The following DGKH variants were observed in gnomAD, a reference collection of about 807,000 sequenced individuals.
DGKH encodes the protein diacylglycerol kinase eta.
A neutral mutation model predicts 159.3 loss-of-function variants in DGKH; 90 were observed. That is an observed-to-expected ratio of 0.57 (90% CI 0.48 to 0.67). The LOEUF (loss-of-function observed/expected upper bound fraction) is 0.67, where lower values mean the gene tolerates loss of function less well. DGKH is among the 30% of genes least tolerant of loss of function. The probability of loss-of-function intolerance (pLI) is 0.00; values close to 1 mark genes in which losing one functional copy is unlikely to be tolerated. For synonymous variants in DGKH, 536 were observed against 553.8 expected (o/e 0.97, Z 0.45); for missense variants, 1,181 against 1,506.1 (o/e 0.78, Z 3.57).
chr13:42,246,785 G>A (rs543441190), downstream of DGKH, among the ~76,000 whole-genome samples: 9 of 152,282 alleles, frequency 5.9e-5, no homozygotes, highest in South Asian at 4.1e-4. Context: ...GCAACTGAGA[G>A]GAAGGCCACA....
At chr13:42,107,642 A>G (rs912070279) in intron 1 of DGKH, among the ~76,000 whole-genome samples, 1 of 152,094 alleles carries the variant, frequency 6.6e-6, no homozygotes, top group African/African-American at 2.4e-5. Flanking sequence ...TCTTGTGAAC[A>G]GTGGGGGACT....
chr13:42,063,468 C>T (rs1882330046), intron 1 of DGKH, among the ~76,000 whole-genome samples: 1 of 152,072 alleles, frequency 6.6e-6, no homozygotes, highest in Non-Finnish European at 1.5e-5. Flanking sequence ...ATGCTAGTTA[C>T]CATATTAATA....
intron 14 of DGKH, among the ~76,000 whole-genome samples, chr13:42,188,327 C>G (rs2138102991): frequency 6.6e-6 from 1 of 152,334 alleles, no homozygotes; most frequent in African/African-American, 2.4e-5. Flanking sequence ...TCTCGTAATA[C>G]AAGAAAAGCA....
intron 21 of DGKH, among the ~76,000 whole-genome samples, chr13:42,206,779 T>C (rs9594705): frequency 0.13 from 19,270 of 152,130 alleles, 1,614 homozygotes; most frequent in Admixed American, 0.22. Flanking sequence ...TGATGACCAC[T>C]GTGATTACAT....
intron 1 of DGKH, among the ~76,000 whole-genome samples, chr13:42,059,359 C>T (rs144693357): frequency 1.2e-3 from 176 of 152,076 alleles, no homozygotes; most frequent in Non-Finnish European, 2.3e-3. Context: ...AAGCGATTCT[C>T]CTGCCTCAGC....
chr13:42,225,435 T>C, intron 29 of DGKH: 2 of 1,108,760 alleles, frequency 1.8e-6, no homozygotes, highest in Non-Finnish European at 2.5e-6. Context: ...AAGCATGCTT[T>C]GTCAAAATTT....
rs775319699 is a variant in DGKH at position 42,174,127 on chromosome 13, G to A, written c.1435G>A (p.Ala479Thr). The A allele has an allele frequency of 6.2e-7, 1 of 1,613,330 alleles. No individual in the cohort carries two copies. Among genetic ancestry groups the A allele is most frequent in the South Asian group, 1.1e-5 (1 of 91,028 alleles). ...TTCCCTACTTCCAGGACCTCCAGAA[G>A]CATCTGAAGAATTTTATGTAAGACT... Reference protein sequence around the residue: ...KASLLPGPPEASEEFYMTIYE... With the variant: ...KASLLPGPPETSEEFYMTIYE... The change falls in exon 12 of 30, where the codon GCA becomes ACA. Residue 479 changes from alanine to threonine, a missense_variant. By Grantham distance (58) the Ala-to-Thr change is moderately conservative. Coordinates refer to ENST00000337343, the MANE Select transcript of DGKH (RefSeq NM_178009.5).
At chr13:42,173,346 G>C (rs1301208110) in intron 11 of DGKH, among the ~76,000 whole-genome samples, 1 of 152,090 alleles carries the variant, frequency 6.6e-6, no homozygotes. Flanking sequence ...TTACTATTTT[G>C]GATAGAAAAC....
intron 13 of DGKH, among the ~76,000 whole-genome samples, chr13:42,181,161 T>C (rs532015584): frequency 1.2e-3 from 187 of 150,186 alleles, no homozygotes; most frequent in South Asian, 3.4e-3. Context: ...CCTGTAGTCC[T>C]AGCTACTCGG....
At chr13:42,247,890 T>A (rs1210291580), downstream of DGKH, among the ~76,000 whole-genome samples, 15 of 152,338 alleles carry the variant, frequency 9.8e-5, no homozygotes, top group East Asian at 2.7e-3. Context: ...TGTGTTTTAA[T>A]CTAAGTGTTA....
At chr13:42,226,638 G>A (rs189810873) in intron 29 of DGKH, among the ~76,000 whole-genome samples, 59 of 151,922 alleles carry the variant, frequency 3.9e-4, no homozygotes, top group Non-Finnish European at 7.8e-4. Flanking sequence ...GGTGGATCAC[G>A]AGGTCAGGCA....
chr13:42,114,809 A>G (rs1385431837), intron 1 of DGKH, among the ~76,000 whole-genome samples: 1 of 152,202 alleles, frequency 6.6e-6, no homozygotes, highest in Non-Finnish European at 1.5e-5. Flanking sequence ...TTGTGCAATA[A>G]TTTATCCAAA....
At chr13:42,106,848 G>A (rs1954769482) in intron 1 of DGKH, among the ~76,000 whole-genome samples, 1 of 151,078 alleles carries the variant, frequency 6.6e-6, no homozygotes. Flanking sequence ...CAAGACCAGC[G>A]TGGCTAAGAT....
At chr13:42,183,754 T>C (rs996678837) in intron 13 of DGKH, among the ~76,000 whole-genome samples, 2 of 152,206 alleles carry the variant, frequency 1.3e-5, no homozygotes, top group African/African-American at 4.8e-5. Context: ...GAATCACAGC[T>C]CTAACTAGCA....
intron 30 of DGKH, among the ~76,000 whole-genome samples, chr13:42,254,510 A>G (rs943354059): frequency 1.3e-5 from 2 of 151,890 alleles, no homozygotes; most frequent in Non-Finnish European, 2.9e-5. Context: ...GCGGGTGCCT[A>G]TAATCCCAGC....
chr13:42,054,540 G>T (rs578126413), intron 1 of DGKH, among the ~76,000 whole-genome samples: 1 of 152,184 alleles, frequency 6.6e-6, no homozygotes, highest in African/African-American at 2.4e-5. Flanking sequence ...GGGCCATAAG[G>T]TGTCTGCTGA....
chr13:42,167,818 C>T (rs1956348632), intron 9 of DGKH, among the ~76,000 whole-genome samples: 1 of 152,178 alleles, frequency 6.6e-6, no homozygotes, highest in Non-Finnish European at 1.5e-5. Context: ...GCTTCAAGGA[C>T]CTCTCTTGAT....
At chr13:42,165,261 C>G in intron 7 of DGKH, 70 bp from the exon 8 acceptor site, 1 of 765,518 alleles carries the variant, frequency 1.3e-6, no homozygotes, top group Non-Finnish European at 2.0e-6. Context: ...ATTATCAGTT[C>G]CTTAGATGTG....
chr13:42,098,024 TTCTTG>T (rs778098104), intron 1 of DGKH, among the ~76,000 whole-genome samples: 33 of 152,208 alleles, frequency 2.2e-4, no homozygotes, highest in Admixed American at 3.3e-4. Flanking sequence ...AATCTTCCAG[TTCTTG>T]TCTTCTCTCC....
Sources: gnomAD v4.1 joint callset for allele counts (sites outside exome capture counted in the v4.1 genomes callset) on GRCh38, gnomAD v4.1.1 for gene constraint, MANE v1.5 for transcripts, NCBI Gene and HGNC (gene_info 2026-07-23, HGNC 2026-07-21) for gene names.